The following MPZL1 variants were observed in gnomAD, a reference collection of about 807,000 sequenced individuals.
The protein encoded by MPZL1 is myelin protein zero-like protein 1.
A neutral mutation model predicts 29.3 loss-of-function variants in MPZL1; 16 were observed. That is an observed-to-expected ratio of 0.55 (90% CI 0.37 to 0.83). MPZL1 has a LOEUF of 0.83. Ranked by LOEUF, MPZL1 falls within the 40% of genes least tolerant of loss-of-function variation. MPZL1 has a pLI of 0.00. For missense variants in MPZL1, 279 were observed against 332.9 expected (o/e 0.84, Z 1.26); for synonymous variants, 143 against 132.0 (o/e 1.08, Z -0.57).
In MPZL1 at chr1:167,791,315, C is replaced by G. The variant is rs920143022; in HGVS notation, c.*3394C>G. The G allele has an allele frequency of 6.6e-6, 1 of 152,258 alleles. No individual in the cohort carries two copies. The highest frequency in any genetic ancestry group is 1.5e-5 in the Non-Finnish European group (1 of 68,068). 9.4% of individuals were successfully genotyped at this position (152,258 alleles called of 1,614,324 possible). On this transcript the variant is annotated 3_prime_UTR_variant, in exon 6 of 6. Transcript: ENST00000359523. ...TGGATGAGTAGGTGGAAGCATTCAT[C>G]CATTCAGCAACCTACACTGAGAACA...
At chr1:167,741,353 C>A (rs1189005640) in intron 1 of MPZL1, among the ~76,000 whole-genome samples, 3 of 132,394 alleles carry the variant, frequency 2.3e-5, no homozygotes, top group Non-Finnish European at 4.7e-5. Context: ...TTTTTCCTGA[C>A]AAGGTCTCAC....
intron 1 of MPZL1, among the ~76,000 whole-genome samples, chr1:167,733,674 G>A (rs1038028542): frequency 1.3e-5 from 2 of 152,082 alleles, no homozygotes; most frequent in Non-Finnish European, 2.9e-5. Flanking sequence ...GAATCCAGGA[G>A]GTGAGGTTGC....
Position 167,776,182 on chromosome 1 carries a change from GA to G in MPZL1, c.708+17del. The stretch of plus-strand genomic sequence containing the variant: ...ATCTCACCAGGTAATGGCTGATTGC[GA>G]TTCTGCCCACTGCACTGTTCCCTAC... On this transcript the variant is annotated intron_variant, in intron 5 of 5. Coordinates refer to ENST00000359523, the MANE Select transcript of MPZL1 (RefSeq NM_003953.6). 6.3e-7 allele frequency: 1 copy of G among 1,579,618 alleles called. No individual in the cohort carries two copies. Among genetic ancestry groups the G allele is most frequent in the Non-Finnish European group, 8.7e-7 (1 of 1,149,914 alleles).
At chr1:167,730,702 T>C (rs1660245397) in intron 1 of MPZL1, among the ~76,000 whole-genome samples, 1 of 152,332 alleles carries the variant, frequency 6.6e-6, no homozygotes, top group Admixed American at 6.5e-5. Context: ...CATTACACAT[T>C]ACATGTGGAA....
In MPZL1 at chr1:167,789,902, C is replaced by G. The variant is rs146700702; in HGVS notation, c.*1981C>G. On this transcript the variant is annotated 3_prime_UTR_variant, in exon 6 of 6. Coordinates refer to ENST00000359523, the MANE Select transcript of MPZL1 (RefSeq NM_003953.6). ...GCATCTATTTTGAAAACTATAGGAG[C>G]CTTTGGAAGGCCTCTTATGTTTGGA... 7.9e-5 allele frequency: 12 copies of G among 152,116 alleles called. No homozygotes were observed. The highest frequency in any genetic ancestry group is 8.8e-5 in the Non-Finnish European group (6 of 68,028). The allele number at this position is 152,116 out of a possible 1,614,324, so 9.4% of individuals were successfully genotyped here.
chr1:167,766,997 A>T (rs1661128440), intron 2 of MPZL1, among the ~76,000 whole-genome samples: 1 of 152,164 alleles, frequency 6.6e-6, no homozygotes. Flanking sequence ...GCCCCCTTCC[A>T]TGAAATTTTA....
intron 1 of MPZL1, among the ~76,000 whole-genome samples, chr1:167,728,362 C>CT (rs71097693): frequency 0.017 from 2,010 of 117,654 alleles, 43 homozygotes; most frequent in Middle Eastern, 0.12. Context: ...TTCTTTCTTT[C>CT]TTTTTTTTTT....
intron 4 of MPZL1, chr1:167,773,574 C>G: frequency 1.9e-6 from 1 of 522,562 alleles, no homozygotes; most frequent in Non-Finnish European, 3.2e-6. Flanking sequence ...TGATTCTAAT[C>G]TCTGTTCCAG....
At chr1:167,784,178 G>A (rs922772259) in intron 5 of MPZL1, among the ~76,000 whole-genome samples, 3 of 152,158 alleles carry the variant, frequency 2.0e-5, no homozygotes, top group Non-Finnish European at 4.4e-5. Flanking sequence ...TTTGGTACAA[G>A]TAAACTTCAG....
At chr1:167,729,889 C>G (rs373428545) in intron 1 of MPZL1, among the ~76,000 whole-genome samples, 1 of 152,146 alleles carries the variant, frequency 6.6e-6, no homozygotes, top group East Asian at 1.9e-4. Flanking sequence ...GAGTAAGTTT[C>G]AGAGAGATTG....
At chr1:167,742,481 G>T (rs559645595) in intron 1 of MPZL1, among the ~76,000 whole-genome samples, 1 of 152,048 alleles carries the variant, frequency 6.6e-6, no homozygotes, top group Admixed American at 6.6e-5. Flanking sequence ...AGTGCCTGAG[G>T]GAATTTCTTA....
chr1:167,780,223 T>C (rs2101797147), intron 5 of MPZL1, among the ~76,000 whole-genome samples: 1 of 152,278 alleles, frequency 6.6e-6, no homozygotes, highest in African/African-American at 2.4e-5. Context: ...ACACAAATAA[T>C]GAAGTGGTAG....
chr1:167,782,916 C>T (rs1481615333), intron 5 of MPZL1, among the ~76,000 whole-genome samples: 10 of 152,174 alleles, frequency 6.6e-5, no homozygotes, highest in Admixed American at 1.3e-4. Flanking sequence ...GTGGAAGGCA[C>T]GCAGTCCTAT....
intron 1 of MPZL1, among the ~76,000 whole-genome samples, chr1:167,739,044 C>T (rs952280100): frequency 4.6e-5 from 7 of 151,692 alleles, no homozygotes; most frequent in East Asian, 3.9e-4. Context: ...CAGGTTCAAG[C>T]GATTCTCCCA....
At chr1:167,762,484 G>A (rs981065635) in intron 1 of MPZL1, among the ~76,000 whole-genome samples, 9 of 152,186 alleles carry the variant, frequency 5.9e-5, no homozygotes, top group Admixed American at 2.0e-4. Flanking sequence ...TACAGAAAAC[G>A]GGAGTGAGGT....
At chr1:167,745,501 A>G (rs1036580314) in intron 1 of MPZL1, among the ~76,000 whole-genome samples, 6 of 152,028 alleles carry the variant, frequency 3.9e-5, no homozygotes, top group Non-Finnish European at 8.8e-5. Flanking sequence ...TTGGGTTAAC[A>G]CTGATGATGC....
chr1:167,784,550 C>T (rs1661555251), intron 5 of MPZL1, among the ~76,000 whole-genome samples: 1 of 152,184 alleles, frequency 6.6e-6, no homozygotes, highest in Non-Finnish European at 1.5e-5. Context: ...GCCTCATTTG[C>T]CCTCAAAATC....
intron 1 of MPZL1, among the ~76,000 whole-genome samples, chr1:167,763,366 A>G (rs1180106375): frequency 6.6e-6 from 1 of 152,028 alleles, no homozygotes; most frequent in Non-Finnish European, 1.5e-5. Flanking sequence ...AAATACAAAA[A>G]TTAGCTGGGC....
At chr1:167,736,691 C>T (rs1171361339) in intron 1 of MPZL1, among the ~76,000 whole-genome samples, 1 of 152,176 alleles carries the variant, frequency 6.6e-6, no homozygotes, top group Non-Finnish European at 1.5e-5. Flanking sequence ...CCCTCCTTTC[C>T]ATTGTCCCAG....
Sources: allele counts gnomAD v4.1 joint callset (sites outside exome capture counted in the v4.1 genomes callset), GRCh38; gene constraint gnomAD v4.1.1; transcripts MANE v1.5; gene names NCBI Gene and HGNC (gene_info 2026-07-23, HGNC 2026-07-21).